Variants in WFDC8 observed in about 807,000 individuals in gnomAD.
WFDC8 encodes the protein WAP four-disulfide core domain 8, also known as WAP four-disulfide core domain protein 8.
In WFDC8, 24 loss-of-function variants were observed where a neutral mutation model predicts 27.0. That is an observed-to-expected ratio of 0.89 (90% CI 0.64 to 1.25). The LOEUF is 1.25. Ranked by LOEUF, WFDC8 falls within the 50% of genes most tolerant of loss-of-function variation. The probability of loss-of-function intolerance (pLI) is 0.00; values close to 1 mark genes in which losing one functional copy is unlikely to be tolerated. For missense variants in WFDC8, 287 were observed against 295.9 expected, an observed-to-expected ratio of 0.97 and a Z score of 0.22; for synonymous variants, 106 against 99.7, an observed-to-expected ratio of 1.06 and a Z score of -0.38.
At position 45,562,138 on chromosome 20, in the gene WFDC8, A is replaced by G; in HGVS notation, c.108T>C (p.Thr36=). The G allele has an allele frequency of 6.2e-7, 1 of 1,614,174 alleles. No homozygotes were observed. Among genetic ancestry groups the G allele is most frequent in the Non-Finnish European group, 8.5e-7 (1 of 1,180,020 alleles). The change falls in exon 2 of 6, where the codon ACT becomes ACC. Residue 36 remains threonine, a synonymous_variant. Coordinates refer to ENST00000289953, the MANE Select transcript of WFDC8 (RefSeq NM_130896.3). ...TGATCTTCTTGGTCAGCATTGCAGA[A>G]GTCCACTCCAAAGCAAGGGAGAGAA... is the stretch of plus-strand genomic sequence containing the variant. The part of the protein sequence containing the change: ...LLLLSLALEW[T]SAMLTKKIKH...
In WFDC8 at chr20:45,562,126, C is replaced by A; in HGVS notation, c.120G>T (p.Leu40=). The A allele has an allele frequency of 6.2e-7, 1 of 1,613,992 alleles. No individual in the cohort carries two copies. Among genetic ancestry groups the A allele is most frequent in the Non-Finnish European group, 8.5e-7 (1 of 1,179,938 alleles). Residue 40 remains leucine, a synonymous_variant, in exon 2 of 6, where the codon CTG becomes CTT. Coordinates refer to ENST00000289953, the MANE Select transcript of WFDC8 (RefSeq NM_130896.3). ...TGAACTCACGTTTGATCTTCTTGGT[C>A]AGCATTGCAGAAGTCCACTCCAAAG... ...SLALEWTSAM[L]TKKIKHKPGL...
At chr20:45,563,417 C>T (rs1411525467) in intron 1 of WFDC8, among the ~76,000 whole-genome samples, 1 of 152,142 alleles carries the variant, frequency 6.6e-6, no homozygotes, top group Non-Finnish European at 1.5e-5. Flanking sequence ...AGAGTTAGAC[C>T]TGAGTTCACA....
intron 1 of WFDC8, among the ~76,000 whole-genome samples, chr20:45,573,778 C>T (rs912676790): frequency 2.6e-5 from 4 of 152,170 alleles, no homozygotes; most frequent in African/African-American, 9.7e-5. Flanking sequence ...TTATCAGAGA[C>T]AGTCTCCATT....
intron 1 of WFDC8, among the ~76,000 whole-genome samples, chr20:45,569,943 C>A (rs6032334): frequency 0.018 from 2,747 of 152,242 alleles, 77 homozygotes; most frequent in African/African-American, 0.056. Flanking sequence ...AACAGAAAAC[C>A]AAATACCGCA....
At chr20:45,571,650 C>T (rs910117531) in intron 1 of WFDC8, among the ~76,000 whole-genome samples, 5 of 152,158 alleles carry the variant, frequency 3.3e-5, no homozygotes, top group African/African-American at 4.8e-5. Context: ...CCCCTGGCAA[C>T]GGCCTCTGAT....
Position 45,573,860 on chromosome 20 carries a change from C to G in WFDC8, c.26+5362G>C, listed in dbSNP as rs189531971. ...TAGATTTATTTCTGGGCTTTCTATT[C>G]TGTTCCATTGGTCAATGTATCTGTT... On this transcript the variant is annotated intron_variant, in intron 1 of 5. Transcript: ENST00000289953. Among the ~76,000 whole-genome samples, 230 of 152,240 alleles carry G rather than the reference C, an allele frequency of 1.5e-3. 1 individual carries two copies. Among genetic ancestry groups the G allele is most frequent in the Non-Finnish European group, 2.1e-3 (146 of 68,020 alleles).
intron 1 of WFDC8, chr20:45,568,722 G>A: frequency 3.8e-6 from 2 of 527,628 alleles, no homozygotes; most frequent in South Asian, 2.9e-5. Flanking sequence ...GAAGATGTGA[G>A]AGCAGATGGT....
At chr20:45,562,327 G>T in intron 1 of WFDC8, 108 bp from the exon 2 acceptor site, 1 of 840,662 alleles carries the variant, frequency 1.2e-6, no homozygotes, top group Non-Finnish European at 1.9e-6. Flanking sequence ...TAGTTCACAG[G>T]TAAGAAGACT....
intron 1 of WFDC8, chr20:45,568,679 A>G: frequency 1.9e-6 from 1 of 537,068 alleles, no homozygotes; most frequent in South Asian, 1.4e-5. Flanking sequence ...TAGCAGGTGA[A>G]CCACAAAAGT....
chr20:45,552,284 C>T (rs1221956022), intron 5 of WFDC8, 119 bp from the exon 6 acceptor site: 2 of 1,220,124 alleles, frequency 1.6e-6, no homozygotes, highest in Non-Finnish European at 2.3e-6. Flanking sequence ...CTTACCTTTC[C>T]CCCTACAGTA....
chr20:45,560,557 A>C (rs148910514), intron 2 of WFDC8, among the ~76,000 whole-genome samples: 35 of 152,304 alleles, frequency 2.3e-4, no homozygotes, highest in African/African-American at 8.2e-4. Context: ...GATACTACTG[A>C]GTCTTGGAAC....
At chr20:45,568,168 C>T (rs1332501098) in intron 1 of WFDC8, 2 of 314,510 alleles carry the variant, frequency 6.4e-6, no homozygotes, top group Non-Finnish European at 1.3e-5. Flanking sequence ...GGTATACTGT[C>T]CACAGAAAAT....
At chr20:45,555,448 A>G (rs1465087103) in intron 4 of WFDC8, among the ~76,000 whole-genome samples, 1 of 152,162 alleles carries the variant, frequency 6.6e-6, no homozygotes, top group East Asian at 1.9e-4. Flanking sequence ...AGATCTATTA[A>G]CATTTTCTAT....
At chr20:45,558,602 C>A (rs554739615) in intron 3 of WFDC8, among the ~76,000 whole-genome samples, 1 of 152,152 alleles carries the variant, frequency 6.6e-6, no homozygotes, top group African/African-American at 2.4e-5. Flanking sequence ...GAACAGAGTG[C>A]GCATGCAACA....
At chr20:45,555,089 T>C (rs1355115612) in intron 4 of WFDC8, among the ~76,000 whole-genome samples, 1 of 152,194 alleles carries the variant, frequency 6.6e-6, no homozygotes, top group East Asian at 1.9e-4. Flanking sequence ...CTGTTTGCTG[T>C]GACTCCAGAA....
At position 45,572,535 on chromosome 20, in the gene WFDC8, T is replaced by C. The variant is rs547823863; in HGVS notation, c.26+6687A>G. 3.3e-3 allele frequency among the ~76,000 whole-genome samples: 497 copies of C among 152,318 alleles called. 3 individuals carry two copies. Among genetic ancestry groups the C allele is most frequent in the African/African-American group, 0.011 (470 of 41,578 alleles). ...GTGATTTTAATTTGCATTTCCCTGT[T>C]GATTAATGATGTTGAGCATTTTCTC... On this transcript the variant is annotated intron_variant, in intron 1 of 5. Coordinates refer to ENST00000289953, the MANE Select transcript of WFDC8 (RefSeq NM_130896.3).
chr20:45,565,324 C>G (rs1980640936), intron 1 of WFDC8, among the ~76,000 whole-genome samples: 1 of 152,164 alleles, frequency 6.6e-6, no homozygotes, highest in South Asian at 2.1e-4. Context: ...TAGGCTTGTT[C>G]AGGCTGGGGT....
At chr20:45,556,264 TTATATCA>T (rs1167920077) in intron 3 of WFDC8, among the ~76,000 whole-genome samples, 1 of 152,246 alleles carries the variant, frequency 6.6e-6, no homozygotes, top group Non-Finnish European at 1.5e-5. Flanking sequence ...ATAAATGTGG[TTATATCA>T]TATATCATTT....
intron 1 of WFDC8, among the ~76,000 whole-genome samples, chr20:45,576,715 C>T (rs936863071): frequency 3.3e-5 from 5 of 151,438 alleles, no homozygotes; most frequent in Non-Finnish European, 3.0e-5. Context: ...TTTCTATTGC[C>T]TAATATTAAT....
Sources: gnomAD v4.1 joint callset for allele counts (sites outside exome capture counted in the v4.1 genomes callset) on GRCh38, gnomAD v4.1.1 for gene constraint, MANE v1.5 for transcripts, NCBI Gene and HGNC (gene_info 2026-07-23, HGNC 2026-07-21) for gene names.